OSBPL8: variants seen among roughly 807,000 people sequenced by gnomAD.
The protein encoded by OSBPL8 is oxysterol-binding protein-related protein 8.
Under a neutral mutation model 125.5 loss-of-function variants are expected in OSBPL8, and 59 were observed. That is an observed-to-expected ratio of 0.47 (90% CI 0.38 to 0.58). The LOEUF (loss-of-function observed/expected upper bound fraction) is 0.58, where lower values mean the gene tolerates loss of function less well. OSBPL8 is among the 20% of genes least tolerant of loss of function. OSBPL8 has a pLI of 0.00. For missense variants in OSBPL8, 758 were observed against 1,047.8 expected (o/e 0.72, Z 3.82); for synonymous variants, 330 against 338.9 (o/e 0.97, Z 0.29).
At chr12:76,388,331 T>C (rs74692812) in intron 12 of OSBPL8, among the ~76,000 whole-genome samples, 3,797 of 152,290 alleles carry the variant, frequency 0.025, 71 homozygotes, top group South Asian at 0.054. Flanking sequence ...TACTGCCAGA[T>C]TACCTTCAGG....
chr12:76,494,633 A>C (rs1879087293), intron 1 of OSBPL8, among the ~76,000 whole-genome samples: 1 of 152,204 alleles, frequency 6.6e-6, no homozygotes, highest in African/African-American at 2.4e-5. Flanking sequence ...GAAAAGATAC[A>C]AGATGACCTA....
chr12:76,501,355 T>A (rs1450736660), intron 1 of OSBPL8, among the ~76,000 whole-genome samples: 1 of 147,938 alleles, frequency 6.8e-6, no homozygotes, highest in African/African-American at 2.4e-5. Flanking sequence ...TTTATGTTTT[T>A]AAAGGGCTAT....
chr12:76,378,671 C>T (rs61292805), intron 15 of OSBPL8, 121 bp from the exon 16 acceptor site: 9,022 of 662,604 alleles, frequency 0.014, 484 homozygotes, highest in African/African-American at 0.13. Context: ...ATGTCTCAAT[C>T]TCAATGTGCC....
At chr12:76,441,443 G>A (rs1872170660) in intron 4 of OSBPL8, among the ~76,000 whole-genome samples, 1 of 151,960 alleles carries the variant, frequency 6.6e-6, no homozygotes, top group African/African-American at 2.4e-5. Flanking sequence ...GATATTACTT[G>A]GCTACATATT....
At chr12:76,490,077 C>G (rs1283725924) in intron 1 of OSBPL8, among the ~76,000 whole-genome samples, 2 of 152,172 alleles carry the variant, frequency 1.3e-5, no homozygotes, top group Non-Finnish European at 2.9e-5. Context: ...GAAGATGTAA[C>G]TGAATAGCTG....
chr12:76,356,759 T>A (rs1308869860), intron 22 of OSBPL8, 31 bp from the exon 23 acceptor site: 2 of 1,431,850 alleles, frequency 1.4e-6, no homozygotes. Context: ...AAGTTGAAAC[T>A]ATAAAAATAA....
At chr12:76,528,428 T>G (rs888161324) in intron 1 of OSBPL8, among the ~76,000 whole-genome samples, 2 of 151,988 alleles carry the variant, frequency 1.3e-5, no homozygotes, top group African/African-American at 2.4e-5. Context: ...AAATAAGAGT[T>G]AGTTTTGATT....
At chr12:76,361,658 A>AT (rs1327827852) in intron 21 of OSBPL8, among the ~76,000 whole-genome samples, 2 of 152,218 alleles carry the variant, frequency 1.3e-5, no homozygotes, top group Non-Finnish European at 2.9e-5. Context: ...GGAGGTCTAT[A>AT]ATCATGGCAG....
chr12:76,448,214 T>C (rs1027020094), intron 4 of OSBPL8, among the ~76,000 whole-genome samples: 5 of 152,216 alleles, frequency 3.3e-5, no homozygotes, highest in African/African-American at 9.6e-5. Flanking sequence ...AAAAGGTTAA[T>C]AACTCCTTAC....
rs752323280 is a variant in OSBPL8 at position 76,459,908 on chromosome 12, G to A, written c.43-13C>T. The A allele has an allele frequency of 9.3e-6, 15 of 1,613,362 alleles. No individual in the cohort carries two copies. In the East Asian group the frequency reaches 3.1e-4, roughly 34 times the overall value. ...TATCACCAAGAAGCTTTTAAGGCAGGGTAATTGAGCAGCAAACAAATACAG... is the reference window on the plus strand; with the variant it reads ...TATCACCAAGAAGCTTTTAAGGCAGAGTAATTGAGCAGCAAACAAATACAG... On this transcript the variant is annotated splice_polypyrimidine_tract_variant and intron_variant, in intron 2 of 23. Coordinates refer to ENST00000261183, the MANE Select transcript of OSBPL8 (RefSeq NM_020841.5).
chr12:76,452,447 T>C (rs1873532793), intron 3 of OSBPL8, among the ~76,000 whole-genome samples: 1 of 152,106 alleles, frequency 6.6e-6, no homozygotes, highest in Non-Finnish European at 1.5e-5. Context: ...TCTTAATTAT[T>C]TACAGGCATC....
At chr12:76,500,320 C>T (rs560007642) in intron 1 of OSBPL8, among the ~76,000 whole-genome samples, 2 of 152,180 alleles carry the variant, frequency 1.3e-5, no homozygotes, top group Non-Finnish European at 2.9e-5. Flanking sequence ...TATTTCCATG[C>T]CTTTGCCTGC....
chr12:76,381,507 C>T (rs1400870675), intron 15 of OSBPL8, among the ~76,000 whole-genome samples: 1 of 152,020 alleles, frequency 6.6e-6, no homozygotes, highest in Non-Finnish European at 1.5e-5. Flanking sequence ...TCTTTTAATT[C>T]TGTCTATTTT....
chr12:76,465,517 G>A (rs986740237), intron 2 of OSBPL8, among the ~76,000 whole-genome samples: 2 of 151,300 alleles, frequency 1.3e-5, no homozygotes, highest in African/African-American at 2.4e-5. Context: ...CCAAGATCAC[G>A]CCACTGCACT....
intron 4 of OSBPL8, among the ~76,000 whole-genome samples, chr12:76,448,463 C>A (rs192432406): frequency 0.021 from 3,116 of 151,844 alleles, 46 homozygotes; most frequent in Non-Finnish European, 0.031. Context: ...CAAAAAAAAA[C>A]CAGGTCAGTT....
Position 76,393,453 on chromosome 12 carries a change from G to T in OSBPL8, c.758-701C>A, listed in dbSNP as rs569967413. On this transcript the variant is annotated intron_variant, in intron 9 of 23. Coordinates refer to ENST00000261183, the MANE Select transcript of OSBPL8 (RefSeq NM_020841.5). ...CGGCCAGGCGCGGTGGCTCACGCCC[G>T]TAATCCCAGCACTTTGGGAGGCCGA... 2.0e-5 allele frequency among the ~76,000 whole-genome samples: 3 copies of T among 152,182 alleles called. No individual in the cohort carries two copies. The South Asian group carries it at 6.2e-4, about 32-fold the overall frequency.
At chr12:76,417,286 T>C (rs898389480) in intron 4 of OSBPL8, among the ~76,000 whole-genome samples, 2 of 152,238 alleles carry the variant, frequency 1.3e-5, no homozygotes, top group South Asian at 2.1e-4. Flanking sequence ...AGTTTAACTG[T>C]TGTTATTCTT....
chr12:76,400,720 T>C (rs1206386991), intron 6 of OSBPL8, among the ~76,000 whole-genome samples: 2 of 152,002 alleles, frequency 1.3e-5, no homozygotes, highest in Admixed American at 6.6e-5. Context: ...GAGTTAGTCT[T>C]AGACAACCAA....
chr12:76,506,924 C>A (rs1490539540), intron 1 of OSBPL8, among the ~76,000 whole-genome samples: 1 of 148,742 alleles, frequency 6.7e-6, no homozygotes, highest in Non-Finnish European at 1.5e-5. Flanking sequence ...GAACAGGCTT[C>A]GAGAGAAGAA....
Sources: allele counts gnomAD v4.1 joint callset (sites outside exome capture counted in the v4.1 genomes callset), GRCh38; gene constraint gnomAD v4.1.1; transcripts MANE v1.5; gene names NCBI Gene and HGNC (gene_info 2026-07-23, HGNC 2026-07-21).